SLC4A10: variants seen among roughly 807,000 people sequenced by gnomAD.
SLC4A10 encodes the protein sodium-driven chloride bicarbonate exchanger.
SLC4A10 carries 42 observed loss-of-function variants against 137.7 expected under a neutral mutation model. The ratio of observed to expected loss-of-function variants is 0.30; its 90% CI spans 0.24 to 0.39. SLC4A10 has a LOEUF of 0.39. Among genes scored for constraint, SLC4A10 ranks in the 10% least tolerant of loss-of-function variants. SLC4A10 has a pLI of 1.00. For missense variants in SLC4A10, 925 were observed against 1,355.0 expected (o/e 0.68, Z 4.98); for synonymous variants, 474 against 464.1 (o/e 1.02, Z -0.27).
chr2:161,864,390 T>G (rs1180590826), intron 6 of SLC4A10, among the ~76,000 whole-genome samples: 3 of 152,170 alleles, frequency 2.0e-5, no homozygotes, highest in Non-Finnish European at 4.4e-5. Context: ...AAAATTAGTT[T>G]TCTTCAGATT....
At chr2:161,688,579 T>A (rs2041672344) in intron 1 of SLC4A10, among the ~76,000 whole-genome samples, 1 of 152,216 alleles carries the variant, frequency 6.6e-6, no homozygotes, top group Admixed American at 6.5e-5. Context: ...TTTGAAAAGT[T>A]GTTTTTAGAA....
chr2:161,834,297 T>C (rs1021393071), intron 3 of SLC4A10, among the ~76,000 whole-genome samples: 1 of 152,154 alleles, frequency 6.6e-6, no homozygotes, highest in East Asian at 1.9e-4. Flanking sequence ...GGGGACATAA[T>C]GAGTCTCTGT....
At position 161,953,602 on chromosome 2, in the gene SLC4A10, C is replaced by T. The variant is rs78678312; in HGVS notation, c.2541+2754C>T. On this transcript the variant is annotated intron_variant, in intron 19 of 26. Coordinates refer to ENST00000446997, the MANE Select transcript of SLC4A10 (RefSeq NM_001178015.2). ...TGGCCTGGGCGACAGGGTGAGACTC[C>T]GTCTCAAAAAAAAAAAATGTTTTTA... 2.4e-3 allele frequency among the ~76,000 whole-genome samples: 346 copies of T among 147,154 alleles called. 11 individuals carry two copies. In the East Asian group the frequency reaches 0.065, roughly 28 times the overall value.
At chr2:161,730,930 T>C (rs1267864291) in intron 1 of SLC4A10, among the ~76,000 whole-genome samples, 1 of 152,164 alleles carries the variant, frequency 6.6e-6, no homozygotes, top group Non-Finnish European at 1.5e-5. Context: ...GGTTGACCTA[T>C]AGTATTTACA....
At chr2:161,844,892 G>A (rs549835921) in intron 4 of SLC4A10, among the ~76,000 whole-genome samples, 2 of 152,124 alleles carry the variant, frequency 1.3e-5, no homozygotes, top group African/African-American at 2.4e-5. Flanking sequence ...AATCTTCTCA[G>A]GGTTTAAATC....
At chr2:161,854,501 G>A in intron 4 of SLC4A10, among the ~76,000 whole-genome samples, 1 of 152,004 alleles carries the variant, frequency 6.6e-6, no homozygotes, top group East Asian at 1.9e-4. Context: ...TATGCAACAG[G>A]CCCCTAATTA....
In SLC4A10 at chr2:161,715,166, C is replaced by T. The variant is rs886975702; in HGVS notation, c.49-55807C>T. 2.1e-4 allele frequency among the ~76,000 whole-genome samples: 32 copies of T among 152,028 alleles called. 1 individual carries two copies. The highest frequency in any genetic ancestry group is 6.8e-3 in the Middle Eastern group (2 of 294). On this transcript the variant is annotated intron_variant, in intron 1 of 26. Coordinates refer to ENST00000446997, the MANE Select transcript of SLC4A10 (RefSeq NM_001178015.2). ...AGGATAGGACAATTTGAGTTTCAAA[C>T]CCAGAAAGTCTAGCTCTACAGCTGT...
chr2:161,892,790 A>G (rs908548231), intron 10 of SLC4A10, among the ~76,000 whole-genome samples: 1 of 152,110 alleles, frequency 6.6e-6, no homozygotes, highest in Non-Finnish European at 1.5e-5. Context: ...TTTATATTAT[A>G]TTCAGTGTAA....
chr2:161,634,753 T>C (rs2034141327), intron 1 of SLC4A10, among the ~76,000 whole-genome samples: 1 of 151,944 alleles, frequency 6.6e-6, no homozygotes, highest in South Asian at 2.1e-4. Flanking sequence ...AAATATACAA[T>C]ATATGTGTTA....
intron 1 of SLC4A10, among the ~76,000 whole-genome samples, chr2:161,695,541 A>T (rs549803935): frequency 2.0e-5 from 3 of 152,238 alleles, no homozygotes; most frequent in South Asian, 4.1e-4. Flanking sequence ...TGAAGACTTT[A>T]ACCTACATAT....
At chr2:161,839,720 A>G in intron 3 of SLC4A10, 69 bp from the exon 4 acceptor site, 2 of 1,575,718 alleles carry the variant, frequency 1.3e-6, no homozygotes, top group East Asian at 2.3e-5. Context: ...GAAGGCAGTG[A>G]CTGGGACATT....
intron 1 of SLC4A10, among the ~76,000 whole-genome samples, chr2:161,746,481 G>A (rs1231854283): frequency 6.6e-6 from 1 of 151,952 alleles, no homozygotes; most frequent in Non-Finnish European, 1.5e-5. Context: ...TCTCACTTCA[G>A]GGCGCAGGTT....
chr2:161,964,212 T>C lies in SLC4A10; in HGVS notation c.2940T>C (p.Leu980=). ...PDFIYLRHVP[L]RKVHLFTIIQ... Reference sequence around the variant, plus strand: ...TTATATACCTAAGGCACGTACCGCTTCGAAAAGTGCATCTCTTCACAATTA... The same window carrying C: ...TTATATACCTAAGGCACGTACCGCTCCGAAAAGTGCATCTCTTCACAATTA... Residue 980 remains leucine, a synonymous_variant, in exon 22 of 27, where the codon CTT becomes CTC. Transcript: ENST00000446997. The C allele has an allele frequency of 6.2e-7, 1 of 1,613,600 alleles. No individual in the cohort carries two copies. The highest frequency in any genetic ancestry group is 1.1e-5 in the South Asian group (1 of 91,036).
At chr2:161,896,416 T>A (rs2063510253) in intron 11 of SLC4A10, among the ~76,000 whole-genome samples, 1 of 152,162 alleles carries the variant, frequency 6.6e-6, no homozygotes, top group Non-Finnish European at 1.5e-5. Flanking sequence ...TAGTTCCATA[T>A]GAACTTTAAA....
intron 1 of SLC4A10, among the ~76,000 whole-genome samples, chr2:161,668,248 A>C (rs918093119): frequency 5.3e-5 from 8 of 151,842 alleles, no homozygotes; most frequent in African/African-American, 1.4e-4. Context: ...GAGAGGAAGA[A>C]GGGAAGAAAC....
At chr2:161,737,481 TATTA>T (rs1403026590) in intron 1 of SLC4A10, among the ~76,000 whole-genome samples, 1 of 151,942 alleles carries the variant, frequency 6.6e-6, no homozygotes, top group Non-Finnish European at 1.5e-5. Context: ...TAGTTTTTCT[TATTA>T]ATTAATCACT....
chr2:161,753,811 G>C (rs1380380383), intron 1 of SLC4A10, among the ~76,000 whole-genome samples: 2 of 151,706 alleles, frequency 1.3e-5, no homozygotes, highest in African/African-American at 4.8e-5. Context: ...GAAACTTCAA[G>C]GTACTTCCAT....
chr2:161,885,327 T>G (rs2062174151), intron 10 of SLC4A10, among the ~76,000 whole-genome samples: 1 of 152,170 alleles, frequency 6.6e-6, no homozygotes, highest in Admixed American at 6.6e-5. Context: ...AAACATAAAT[T>G]CCATGAGAAC....
intron 2 of SLC4A10, among the ~76,000 whole-genome samples, chr2:161,773,079 C>A (rs959823197): frequency 6.6e-6 from 1 of 151,788 alleles, no homozygotes; most frequent in Non-Finnish European, 1.5e-5. Context: ...ATACCACAGA[C>A]TGGATAATTT....
Sources: allele counts gnomAD v4.1 joint callset (sites outside exome capture counted in the v4.1 genomes callset), GRCh38; gene constraint gnomAD v4.1.1; transcripts MANE v1.5; gene names NCBI Gene and HGNC (gene_info 2026-07-23, HGNC 2026-07-21).